The following GLS2 variants were observed in gnomAD, a reference collection of about 807,000 sequenced individuals.
The protein encoded by GLS2 is glutaminase 2.
In GLS2, 52 loss-of-function variants were observed where a neutral mutation model predicts 79.0. The ratio of observed to expected loss-of-function variants is 0.66; its 90% CI spans 0.53 to 0.83. The LOEUF is 0.83. GLS2 is among the 40% of genes least tolerant of loss of function. The pLI, the probability that GLS2 is intolerant of heterozygous loss-of-function variation, is 0.00. For synonymous variants in GLS2, 238 were observed against 280.8 expected, an observed-to-expected ratio of 0.85 and a Z score of 1.52; for missense variants, 561 against 764.8, an observed-to-expected ratio of 0.73 and a Z score of 3.14.
chr12:56,475,214 A>C, intron 9 of GLS2, 104 bp from the exon 10 acceptor site: 1 of 1,601,968 alleles, frequency 6.2e-7, no homozygotes, highest in Non-Finnish European at 8.5e-7. Context: ...CACACCACAA[A>C]CTAAATGAAC....
At chr12:56,479,325 A>G (rs1870096778) in intron 3 of GLS2, 144 bp from the exon 4 acceptor site, 3 of 1,005,310 alleles carry the variant, frequency 3.0e-6, no homozygotes, top group Non-Finnish European at 4.2e-6. Flanking sequence ...AAATCAGTTT[A>G]CCTTTCTAGG....
rs2279536 is a variant in GLS2 at position 56,487,990 on chromosome 12, G to A, written c.129C>T (p.Ala43=). The change falls in exon 1 of 18, where the codon GCC becomes GCT. Residue 43 remains alanine, a synonymous_variant. Transcript: ENST00000311966. ...GTGGCGTCTCTCTGCCCTGCGCCGC[G>A]GCCTCACTGAGGTGGTGCCGGACGC... ...GGGVRHHLSE[A]AAQGRETPHS... 2.6e-3 allele frequency: 4,175 copies of A among 1,601,594 alleles called. 91 individuals carry two copies. In the East Asian group the frequency reaches 0.032, roughly 12 times the overall value.
chr12:56,485,086 C>T (rs765049674), intron 1 of GLS2, among the ~76,000 whole-genome samples: 15 of 151,642 alleles, frequency 9.9e-5, no homozygotes, highest in Non-Finnish European at 2.2e-4. Flanking sequence ...CATACACATT[C>T]GATGATATTA....
chr12:56,477,598 G>T, intron 7 of GLS2, 62 bp downstream of exon 7: 1 of 1,505,228 alleles, frequency 6.6e-7, no homozygotes, highest in Non-Finnish European at 9.1e-7. Context: ...ACAAATATGA[G>T]GGATACAGGA....
chr12:56,482,876 C>T (rs977685312), intron 1 of GLS2, among the ~76,000 whole-genome samples: 2 of 151,910 alleles, frequency 1.3e-5, no homozygotes, highest in Non-Finnish European at 2.9e-5. Flanking sequence ...GGATTATAGG[C>T]GTGAGCCACC....
chr12:56,472,524 CT>C (rs151260400), intron 15 of GLS2, 165 bp downstream of exon 15: 12 of 648,620 alleles, frequency 1.9e-5, no homozygotes, highest in African/African-American at 1.3e-4. Flanking sequence ...AGACAGTTTA[CT>C]TTTTTTAAAA....
chr12:56,479,007 T>C, intron 4 of GLS2, 45 bp downstream of exon 4: 1 of 1,332,868 alleles, frequency 7.5e-7, no homozygotes, highest in Admixed American at 2.4e-5. Flanking sequence ...AAAAAAAAAA[T>C]CTGGCCCAGG....
intron 1 of GLS2, among the ~76,000 whole-genome samples, chr12:56,481,679 T>A (rs1397891833): frequency 1.3e-5 from 2 of 148,484 alleles, no homozygotes; most frequent in Non-Finnish European, 3.0e-5. Flanking sequence ...TCACCTGAGG[T>A]TAGGAGTTTG....
intron 9 of GLS2, chr12:56,475,313 C>A: frequency 7.6e-7 from 1 of 1,312,000 alleles, no homozygotes; most frequent in South Asian, 1.4e-5. Context: ...TAAACCCAAA[C>A]CAAACACCCC....
intron 7 of GLS2, chr12:56,476,910 A>G (rs1331241855): frequency 6.6e-6 from 1 of 152,172 alleles, no homozygotes. Context: ...TTTTTTAAAA[A>G]AGGTCCTACT....
intron 1 of GLS2, among the ~76,000 whole-genome samples, chr12:56,486,873 A>AT (rs1870732650): frequency 6.6e-6 from 1 of 152,336 alleles, no homozygotes; most frequent in African/African-American, 2.4e-5. Context: ...AAAGAAAGAA[A>AT]TAAAAGTACT....
intron 1 of GLS2, among the ~76,000 whole-genome samples, chr12:56,485,354 TCA>T (rs1398242979): frequency 1.3e-5 from 2 of 152,034 alleles, no homozygotes; most frequent in Non-Finnish European, 2.9e-5. Context: ...CCTACAGGGC[TCA>T]AGTGATCCTC....
chr12:56,480,499 C>T, intron 1 of GLS2, 112 bp from the exon 2 acceptor site: 1 of 773,704 alleles, frequency 1.3e-6, no homozygotes, highest in South Asian at 1.4e-5. Flanking sequence ...TATGCCTCCT[C>T]CTTAAGCCAT....
chr12:56,477,445 C>T (rs1308465105), intron 7 of GLS2: 2 of 480,930 alleles, frequency 4.2e-6, no homozygotes, highest in Non-Finnish European at 7.5e-6. Flanking sequence ...GGGCAGGGAA[C>T]AGTACTGAGT....
Position 56,475,501 on chromosome 12 carries a change from G to A in GLS2, c.929+123C>T, listed in dbSNP as rs143700430. The A allele has an allele frequency of 3.9e-6, 4 of 1,013,578 alleles. No homozygotes were observed. The East Asian group carries it at 7.3e-5, about 18-fold the overall frequency. The allele number at this position is 1,013,578 out of a possible 1,614,324, so 62.8% of individuals were successfully genotyped here. The stretch of plus-strand genomic sequence containing the variant: ...GAAGGGACTCAGAGGAAGCTGGAGG[G>A]CCAAAGTTCCCCTGGGATTTCTTCC... On this transcript the variant is annotated intron_variant, in intron 9 of 17. Transcript: ENST00000311966.
At chr12:56,478,983 CA>C (rs1870065463) in intron 4 of GLS2, 68 bp downstream of exon 4, 1 of 1,386,250 alleles carries the variant, frequency 7.2e-7, no homozygotes, top group South Asian at 1.3e-5. Flanking sequence ...AACTCTGTCT[CA>C]GGAAAAAAAA....
chr12:56,484,713 A>T (rs532597712), intron 1 of GLS2, among the ~76,000 whole-genome samples: 1 of 152,358 alleles, frequency 6.6e-6, no homozygotes, highest in East Asian at 1.9e-4. Context: ...GCCTAAAAAA[A>T]CTGCATATCC....
At chr12:56,480,044 G>A in intron 2 of GLS2, 143 bp from the exon 3 acceptor site, 1 of 1,156,106 alleles carries the variant, frequency 8.6e-7, no homozygotes, top group Non-Finnish European at 1.2e-6. Flanking sequence ...TAAGAAAGGA[G>A]GGGATGGAGT....
At chr12:56,484,146 T>C (rs1870511079) in intron 1 of GLS2, among the ~76,000 whole-genome samples, 1 of 152,180 alleles carries the variant, frequency 6.6e-6, no homozygotes, top group South Asian at 2.1e-4. Flanking sequence ...GGCGCGCACC[T>C]GTAATCCCAG....
Sources: allele counts gnomAD v4.1 joint callset (sites outside exome capture counted in the v4.1 genomes callset), GRCh38; gene constraint gnomAD v4.1.1; transcripts MANE v1.5; gene names NCBI Gene and HGNC (gene_info 2026-07-23, HGNC 2026-07-21).